SIPA1L1: variants seen among roughly 807,000 people sequenced by gnomAD.
SIPA1L1 encodes the protein signal induced proliferation associated 1 like 1, also known as signal-induced proliferation-associated 1-like protein 1.
Under a neutral mutation model 162.7 loss-of-function variants are expected in SIPA1L1, and 26 were observed. The ratio of observed to expected loss-of-function variants is 0.16; its 90% CI spans 0.12 to 0.22. The LOEUF is 0.22. Ranked by LOEUF, SIPA1L1 falls within the 10% of genes least tolerant of loss-of-function variation. The pLI, the probability that SIPA1L1 is intolerant of heterozygous loss-of-function variation, is 1.00. For synonymous variants in SIPA1L1, 829 were observed against 837.4 expected, an observed-to-expected ratio of 0.99 and a Z score of 0.17; for missense variants, 1,874 against 2,241.0, an observed-to-expected ratio of 0.84 and a Z score of 3.31.
intron 19 of SIPA1L1, among the ~76,000 whole-genome samples, chr14:71,725,356 A>G (rs553293595): frequency 1.3e-5 from 2 of 152,194 alleles, no homozygotes; most frequent in Non-Finnish European, 2.9e-5. Flanking sequence ...CACCCCCAAA[A>G]GTAAATGTAC....
chr14:71,660,824 G>T (rs1030210766), intron 9 of SIPA1L1, among the ~76,000 whole-genome samples: 1 of 152,110 alleles, frequency 6.6e-6, no homozygotes, highest in Non-Finnish European at 1.5e-5. Flanking sequence ...GCAACATTCT[G>T]GAATATTATT....
chr14:71,419,911 C>G (rs1025165776), intron 2 of SIPA1L1, among the ~76,000 whole-genome samples: 8 of 152,022 alleles, frequency 5.3e-5, no homozygotes, highest in Non-Finnish European at 7.4e-5. Context: ...GTCCCAGCTA[C>G]TTGGAAGGCT....
intron 2 of SIPA1L1, among the ~76,000 whole-genome samples, chr14:71,367,432 T>G (rs2038420074): frequency 1.3e-5 from 2 of 150,566 alleles, no homozygotes; most frequent in South Asian, 4.2e-4. Flanking sequence ...TCAGCCTCTC[T>G]AGTAGCTGGG....
Position 71,363,016 on chromosome 14 carries a change from C to T in SIPA1L1, c.-465+41835C>T, listed in dbSNP as rs189908301. On this transcript the variant is annotated intron_variant, in intron 2 of 23. Coordinates refer to ENST00000381232, the MANE Select transcript of SIPA1L1 (RefSeq NM_001386936.1). ...GAGAAGCAATATGTAATGGCAGTTA[C>T]GTGTGCACACACACGCACACTCACA... Among the ~76,000 whole-genome samples, 18 of 152,318 alleles carry T rather than the reference C, an allele frequency of 1.2e-4. No individual in the cohort carries two copies. In the East Asian group the frequency reaches 3.1e-3, roughly 26 times the overall value.
chr14:71,578,179 G>A (rs1596240074), intron 4 of SIPA1L1, among the ~76,000 whole-genome samples: 1 of 152,194 alleles, frequency 6.6e-6, no homozygotes, highest in East Asian at 1.9e-4. Context: ...AAAGTGCTGG[G>A]ATTACAGGCG....
chr14:71,609,438 TTTTATTTA>T (rs57449706), intron 5 of SIPA1L1, among the ~76,000 whole-genome samples: 8,266 of 140,132 alleles, frequency 0.059, 463 homozygotes, highest in African/African-American at 0.14. Context: ...CCAGCTAATA[TTTTATTTA>T]TTTATTTATT....
At chr14:71,688,192 T>G (rs2081005127) in intron 13 of SIPA1L1, among the ~76,000 whole-genome samples, 1 of 152,236 alleles carries the variant, frequency 6.6e-6, no homozygotes, top group Non-Finnish European at 1.5e-5. Flanking sequence ...ATTGAATATC[T>G]TAATCCAAAA....
intron 17 of SIPA1L1, among the ~76,000 whole-genome samples, chr14:71,717,225 T>C (rs183351760): frequency 6.6e-6 from 1 of 152,312 alleles, no homozygotes; most frequent in East Asian, 1.9e-4. Context: ...CATGTACTTG[T>C]GTATCCTCTC....
intron 13 of SIPA1L1, among the ~76,000 whole-genome samples, chr14:71,686,969 A>G (rs555971216): frequency 6.6e-6 from 1 of 152,308 alleles, no homozygotes; most frequent in South Asian, 2.1e-4. Flanking sequence ...TCACCGCTCC[A>G]GTTTGGAAGC....
At chr14:71,424,411 T>A (rs1175741474) in intron 2 of SIPA1L1, among the ~76,000 whole-genome samples, 1 of 152,110 alleles carries the variant, frequency 6.6e-6, no homozygotes, top group African/African-American at 2.4e-5. Flanking sequence ...TTGCAACTGG[T>A]TTTTCATATG....
chr14:71,384,180 G>A (rs1049126730), intron 2 of SIPA1L1, among the ~76,000 whole-genome samples: 4 of 152,170 alleles, frequency 2.6e-5, no homozygotes, highest in African/African-American at 7.2e-5. Flanking sequence ...GATCAGATAA[G>A]TCCAACGGAA....
chr14:71,472,497 G>A (rs1177109973), intron 2 of SIPA1L1, among the ~76,000 whole-genome samples: 1 of 151,958 alleles, frequency 6.6e-6, no homozygotes, highest in African/African-American at 2.4e-5. Flanking sequence ...AGAGCTTTGA[G>A]TTTGTGCTAT....
At chr14:71,351,671 A>G (rs1430816113) in intron 2 of SIPA1L1, among the ~76,000 whole-genome samples, 2 of 152,226 alleles carry the variant, frequency 1.3e-5, no homozygotes, top group South Asian at 2.1e-4. Flanking sequence ...GAGAAGTCTC[A>G]AAACCATGTT....
intron 6 of SIPA1L1, among the ~76,000 whole-genome samples, chr14:71,619,685 A>G (rs1415168775): frequency 6.6e-6 from 1 of 152,152 alleles, no homozygotes; most frequent in Non-Finnish European, 1.5e-5. Flanking sequence ...TTATGCATTA[A>G]TACTTAATAC....
chr14:71,637,138 G>A (rs566437023), intron 7 of SIPA1L1, among the ~76,000 whole-genome samples: 5 of 147,214 alleles, frequency 3.4e-5, no homozygotes, highest in South Asian at 4.4e-4. Context: ...GTGTGCACGC[G>A]TGCACACACA....
chr14:71,512,035 T>C (rs1371656555), intron 2 of SIPA1L1, among the ~76,000 whole-genome samples: 1 of 152,132 alleles, frequency 6.6e-6, no homozygotes, highest in African/African-American at 2.4e-5. Context: ...GTTTTGTGAG[T>C]CCTTCTAGGA....
intron 4 of SIPA1L1, among the ~76,000 whole-genome samples, chr14:71,532,502 G>A (rs1269194916): frequency 1.3e-5 from 2 of 152,194 alleles, no homozygotes; most frequent in African/African-American, 2.4e-5. Context: ...TGGGCTGAGG[G>A]AGCTTCTAGA....
chr14:71,438,212 A>G (rs1001792846), intron 2 of SIPA1L1, among the ~76,000 whole-genome samples: 1 of 152,222 alleles, frequency 6.6e-6, no homozygotes, highest in African/African-American at 2.4e-5. Context: ...TCAGCTAGGT[A>G]TGCTTTTTTT....
rs186902783 is a variant in SIPA1L1, at chr14:71,611,785, T to G, written c.1499-6972T>G. ...TCCATGGTTTATATGTGCCACATTTTCTTTATCCAGTCTATCAGTGATGGG... is the reference window on the plus strand; with the variant it reads ...TCCATGGTTTATATGTGCCACATTTGCTTTATCCAGTCTATCAGTGATGGG... On this transcript the variant is annotated intron_variant, in intron 5 of 23. Coordinates refer to ENST00000381232, the MANE Select transcript of SIPA1L1 (RefSeq NM_001386936.1). 1.6e-4 allele frequency among the ~76,000 whole-genome samples: 25 copies of G among 152,370 alleles called. No individual in the cohort carries two copies. The East Asian group carries it at 3.9e-3, about 23-fold the overall frequency.
Sources: gnomAD v4.1 joint callset for allele counts (sites outside exome capture counted in the v4.1 genomes callset) on GRCh38, gnomAD v4.1.1 for gene constraint, MANE v1.5 for transcripts, NCBI Gene and HGNC (gene_info 2026-07-23, HGNC 2026-07-21) for gene names.